Variants in TMEM178B observed in about 807,000 individuals in gnomAD.
TMEM178B encodes the protein transmembrane protein 178B.
Under a neutral mutation model 31.0 loss-of-function variants are expected in TMEM178B, and 5 were observed. The observed-to-expected ratio is 0.16, with a 90% CI of 0.08 to 0.34. The LOEUF (loss-of-function observed/expected upper bound fraction) is 0.34. TMEM178B is among the 10% of genes least tolerant of loss of function. The pLI, the probability that TMEM178B is intolerant of heterozygous loss-of-function variation, is 1.00. For missense variants in TMEM178B, 275 were observed against 400.3 expected (o/e 0.69, Z 2.67); for synonymous variants, 164 against 164.0 (o/e 1.00, Z 0.00).
chr7:141,481,314 C>G (rs1234714509), downstream of TMEM178B, among the ~76,000 whole-genome samples: 2 of 152,086 alleles, frequency 1.3e-5, no homozygotes, highest in African/African-American at 4.8e-5. Context: ...AGCCCTGCCT[C>G]CCACCAAGAT....
rs536553436 is a variant in TMEM178B at position 141,079,556 on chromosome 7, C to T, written c.382+4864C>T. 4.3e-4 allele frequency among the ~76,000 whole-genome samples: 66 copies of T among 152,294 alleles called. No individual in the cohort carries two copies. The South Asian group carries it at 8.3e-3, about 19-fold the overall frequency. The stretch of plus-strand genomic sequence containing the variant: ...CATTCTACACTTTAAGAAACTGCTA[C>T]TTGAATATATTGGGCAGAAGGCTTT... On this transcript the variant is annotated intron_variant, in intron 1 of 3. Transcript: ENST00000565468.
intron 1 of TMEM178B, among the ~76,000 whole-genome samples, chr7:141,192,215 C>T (rs1407723706): frequency 6.6e-6 from 1 of 152,130 alleles, no homozygotes; most frequent in Non-Finnish European, 1.5e-5. Context: ...AGGCAGAGCC[C>T]TACTGGGAAA....
intron 2 of TMEM178B, among the ~76,000 whole-genome samples, chr7:141,437,320 C>T (rs189366222): frequency 2.9e-4 from 44 of 152,310 alleles, no homozygotes; most frequent in Admixed American, 5.9e-4. Context: ...AGCTAGGCAG[C>T]GCTATGCCTG....
chr7:141,223,479 C>T (rs1305673536), intron 2 of TMEM178B, among the ~76,000 whole-genome samples: 8 of 131,134 alleles, frequency 6.1e-5, no homozygotes, highest in Admixed American at 1.5e-4. Flanking sequence ...TGTTTTCACT[C>T]TTTTTTTTTT....
At chr7:141,103,234 G>A (rs1795087226) in intron 1 of TMEM178B, among the ~76,000 whole-genome samples, 1 of 152,216 alleles carries the variant, frequency 6.6e-6, no homozygotes, top group South Asian at 2.1e-4. Context: ...GTCTAGACCT[G>A]CTGAATCACA....
intron 2 of TMEM178B, among the ~76,000 whole-genome samples, chr7:141,327,129 T>C (rs953688728): frequency 2.0e-5 from 3 of 152,188 alleles, no homozygotes; most frequent in African/African-American, 7.2e-5. Flanking sequence ...AATGTTTTTC[T>C]TTTAAACGTC....
intron 1 of TMEM178B, among the ~76,000 whole-genome samples, chr7:141,133,563 A>G (rs1203730102): frequency 2.0e-5 from 3 of 152,170 alleles, no homozygotes; most frequent in Non-Finnish European, 4.4e-5. Context: ...AATAAAAAAG[A>G]ATAAAGGAAG....
chr7:141,256,659 T>C (rs1443721170), intron 2 of TMEM178B, among the ~76,000 whole-genome samples: 1 of 152,118 alleles, frequency 6.6e-6, no homozygotes, highest in Non-Finnish European at 1.5e-5. Context: ...AAAGGTCTGC[T>C]CTGGCCTCTA....
chr7:141,359,644 A>G (rs752879428), intron 2 of TMEM178B, among the ~76,000 whole-genome samples: 5 of 152,106 alleles, frequency 3.3e-5, no homozygotes, highest in Non-Finnish European at 7.4e-5. Flanking sequence ...TAGGGAGTGC[A>G]TTTTCAATTA....
At chr7:141,497,845 G>T in the TMEM178B span, among the ~76,000 whole-genome samples, 1 of 152,240 alleles carries the variant, frequency 6.6e-6, no homozygotes, top group African/African-American at 2.4e-5. Context: ...CAAACTGGAA[G>T]GAGCAGAAAT....
intron 1 of TMEM178B, among the ~76,000 whole-genome samples, chr7:141,077,541 A>G (rs375609554): frequency 1.2e-4 from 19 of 152,344 alleles, no homozygotes; most frequent in African/African-American, 4.6e-4. Context: ...TCTGAAATCC[A>G]TTCCCCTCCA....
chr7:141,510,892 A>G, the TMEM178B span, among the ~76,000 whole-genome samples: 3 of 152,010 alleles, frequency 2.0e-5, no homozygotes, highest in African/African-American at 7.3e-5. Flanking sequence ...AAGAAGGGTG[A>G]CAACTGGGGG....
the TMEM178B span, among the ~76,000 whole-genome samples, chr7:141,508,646 C>T: frequency 7.9e-5 from 12 of 152,244 alleles, no homozygotes; most frequent in African/African-American, 2.6e-4. Context: ...AGAATCATGG[C>T]GGGAGGCGAA....
intron 2 of TMEM178B, among the ~76,000 whole-genome samples, chr7:141,281,971 A>G (rs1798372411): frequency 6.6e-6 from 1 of 152,176 alleles, no homozygotes; most frequent in African/African-American, 2.4e-5. Flanking sequence ...TTTGTTTTGA[A>G]TGACCATTTT....
intron 3 of TMEM178B, among the ~76,000 whole-genome samples, chr7:141,468,954 A>G (rs1802193143): frequency 6.6e-6 from 1 of 152,146 alleles, no homozygotes; most frequent in Non-Finnish European, 1.5e-5. Context: ...ACCCCATCCT[A>G]ATCTTTTCAT....
At chr7:141,467,737 G>A (rs915819282) in intron 3 of TMEM178B, among the ~76,000 whole-genome samples, 1 of 152,168 alleles carries the variant, frequency 6.6e-6, no homozygotes, top group Non-Finnish European at 1.5e-5. Context: ...CCCTCCGACA[G>A]CCGCTCCTCA....
chr7:141,201,862 G>T (rs1445590481), intron 1 of TMEM178B, among the ~76,000 whole-genome samples: 1 of 152,132 alleles, frequency 6.6e-6, no homozygotes. Flanking sequence ...CCCTGCAAAT[G>T]GAAAAGTTTT....
intron 2 of TMEM178B, among the ~76,000 whole-genome samples, chr7:141,237,279 G>A (rs1797541902): frequency 6.6e-6 from 1 of 152,176 alleles, no homozygotes; most frequent in Non-Finnish European, 1.5e-5. Context: ...AGGGAACAAT[G>A]TGAAATATAC....
chr7:141,200,041 ACT>A (rs1780061609), intron 1 of TMEM178B, among the ~76,000 whole-genome samples: 2 of 150,936 alleles, frequency 1.3e-5, no homozygotes, highest in Admixed American at 1.3e-4. Flanking sequence ...ACAGAGTGAG[ACT>A]CTGTCTCAAA....
Sources: gnomAD v4.1 joint callset for allele counts (sites outside exome capture counted in the v4.1 genomes callset) on GRCh38, gnomAD v4.1.1 for gene constraint, MANE v1.5 for transcripts, NCBI Gene and HGNC (gene_info 2026-07-23, HGNC 2026-07-21) for gene names.